Variants in NLGN1 observed in about 807,000 individuals in gnomAD.
NLGN1 encodes neuroligin 1.
Under a neutral mutation model 65.5 loss-of-function variants are expected in NLGN1, and 12 were observed. The observed-to-expected ratio is 0.18, with a 90% CI of 0.12 to 0.30. NLGN1 has a LOEUF of 0.30. NLGN1 is among the 10% of genes least tolerant of loss of function. The probability of loss-of-function intolerance (pLI) is 1.00; values close to 1 mark genes in which losing one functional copy is unlikely to be tolerated. For synonymous variants in NLGN1, 350 were observed against 359.5 expected (o/e 0.97, Z 0.30); for missense variants, 750 against 1,007.1 (o/e 0.74, Z 3.46).
chr3:174,122,004 T>A (rs1323759482), intron 4 of NLGN1, among the ~76,000 whole-genome samples: 1 of 152,200 alleles, frequency 6.6e-6, no homozygotes. Flanking sequence ...ATTCTTTTAC[T>A]TCATATATGT....
chr3:173,997,493 G>C (rs1722501215), intron 4 of NLGN1, among the ~76,000 whole-genome samples: 1 of 152,106 alleles, frequency 6.6e-6, no homozygotes, highest in African/African-American at 2.4e-5. Context: ...GTCTTAATGA[G>C]ATTTCCAGGG....
At chr3:173,988,204 C>A (rs1156760389) in intron 4 of NLGN1, among the ~76,000 whole-genome samples, 1 of 152,008 alleles carries the variant, frequency 6.6e-6, no homozygotes, top group East Asian at 1.9e-4. Flanking sequence ...AAATACAACC[C>A]GTCTATAATC....
intron 3 of NLGN1, among the ~76,000 whole-genome samples, chr3:173,716,220 T>C (rs1769822924): frequency 1.3e-5 from 2 of 152,196 alleles, no homozygotes; most frequent in African/African-American, 2.4e-5. Context: ...TACAAGCATT[T>C]CTAATCTGTG....
chr3:173,861,398 T>C (rs1729040584), intron 4 of NLGN1, among the ~76,000 whole-genome samples: 1 of 151,560 alleles, frequency 6.6e-6, no homozygotes, highest in Admixed American at 6.6e-5. Context: ...AATAACAGAA[T>C]CTAGAGCTGG....
intron 1 of NLGN1, among the ~76,000 whole-genome samples, chr3:173,414,533 C>G (rs886453805): frequency 6.6e-6 from 1 of 151,362 alleles, no homozygotes; most frequent in Non-Finnish European, 1.5e-5. Flanking sequence ...ACCTCAGAAC[C>G]TTAGTTAAGA....
At chr3:174,113,907 C>T (rs369676251) in intron 4 of NLGN1, among the ~76,000 whole-genome samples, 3 of 152,176 alleles carry the variant, frequency 2.0e-5, no homozygotes, top group East Asian at 1.9e-4. Context: ...TTTATAGTTA[C>T]GACGGAAATC....
intron 4 of NLGN1, among the ~76,000 whole-genome samples, chr3:174,196,467 C>T (rs893263522): frequency 6.6e-6 from 1 of 151,974 alleles, no homozygotes; most frequent in Non-Finnish European, 1.5e-5. Context: ...GAGTTTTATT[C>T]GTCTTGTATA....
At chr3:173,803,652 C>T (rs1296110055) in intron 3 of NLGN1, among the ~76,000 whole-genome samples, 2 of 149,840 alleles carry the variant, frequency 1.3e-5, no homozygotes, top group African/African-American at 5.0e-5. Flanking sequence ...TAGTTCAAGA[C>T]AATTTTTTGT....
At chr3:174,137,902 G>T (rs1006915853) in intron 4 of NLGN1, among the ~76,000 whole-genome samples, 2 of 152,112 alleles carry the variant, frequency 1.3e-5, no homozygotes, top group African/African-American at 4.8e-5. Context: ...TGCCTAAACT[G>T]TTCTAGAAAT....
intron 2 of NLGN1, among the ~76,000 whole-genome samples, chr3:173,509,691 A>T (rs116096531): frequency 0.024 from 3,603 of 152,304 alleles, 53 homozygotes; most frequent in Middle Eastern, 0.048. Flanking sequence ...TTCACTAGCA[A>T]ACAATAAGTC....
At chr3:173,683,127 T>C (rs1764200188) in intron 3 of NLGN1, among the ~76,000 whole-genome samples, 1 of 152,222 alleles carries the variant, frequency 6.6e-6, no homozygotes, top group Non-Finnish European at 1.5e-5. Context: ...AGTATTAAAA[T>C]GCAGCTGGCA....
At chr3:174,136,207 A>T (rs2152681273) in intron 4 of NLGN1, among the ~76,000 whole-genome samples, 1 of 152,240 alleles carries the variant, frequency 6.6e-6, no homozygotes, top group African/African-American at 2.4e-5. Flanking sequence ...TATCTGATAT[A>T]TTGGTGGAAT....
chr3:173,532,274 T>TA (rs1736705267), intron 2 of NLGN1, among the ~76,000 whole-genome samples: 1 of 152,198 alleles, frequency 6.6e-6, no homozygotes, highest in Non-Finnish European at 1.5e-5. Context: ...CTCTTTGAGA[T>TA]ACATCTGTTA....
At chr3:173,993,527 G>T (rs988846311) in intron 4 of NLGN1, among the ~76,000 whole-genome samples, 28 of 152,132 alleles carry the variant, frequency 1.8e-4, no homozygotes, top group Non-Finnish European at 3.1e-4. Context: ...GTTTCTTTGT[G>T]TCCCTAAGAA....
At chr3:174,201,908 T>A in intron 4 of NLGN1, among the ~76,000 whole-genome samples, 1 of 152,166 alleles carries the variant, frequency 6.6e-6, no homozygotes, top group East Asian at 1.9e-4. Flanking sequence ...AGGCAGATTT[T>A]TTTCCTTGTG....
chr3:173,969,509 T>G (rs542173001), intron 4 of NLGN1, among the ~76,000 whole-genome samples: 1 of 152,244 alleles, frequency 6.6e-6, no homozygotes, highest in Non-Finnish European at 1.5e-5. Flanking sequence ...ATTTAGATAA[T>G]TTAGATACTA....
intron 2 of NLGN1, among the ~76,000 whole-genome samples, chr3:173,535,478 T>C (rs1737282005): frequency 6.6e-6 from 1 of 152,188 alleles, no homozygotes. Context: ...ACCCACATTA[T>C]TCCCTACTAT....
At chr3:173,407,168 A>G (rs560662938) in intron 1 of NLGN1, among the ~76,000 whole-genome samples, 1 of 152,206 alleles carries the variant, frequency 6.6e-6, no homozygotes, top group Non-Finnish European at 1.5e-5. Flanking sequence ...TCATATTGTA[A>G]TCACATCTTT....
At chr3:173,510,764 C>T (rs907809052) in intron 2 of NLGN1, among the ~76,000 whole-genome samples, 1 of 151,988 alleles carries the variant, frequency 6.6e-6, no homozygotes, top group Non-Finnish European at 1.5e-5. Context: ...ATGAGAAGGC[C>T]CTAGAGAGAG....
Sources: gnomAD v4.1 joint callset for allele counts (sites outside exome capture counted in the v4.1 genomes callset) on GRCh38, gnomAD v4.1.1 for gene constraint, MANE v1.5 for transcripts, NCBI Gene and HGNC (gene_info 2026-07-23, HGNC 2026-07-21) for gene names.